The following SMAD6 variants were observed in gnomAD, a reference collection of about 807,000 sequenced individuals.
SMAD6 encodes MAD homolog 6.
A neutral mutation model predicts 39.4 loss-of-function variants in SMAD6; 103 were observed. That is an observed-to-expected ratio of 2.62 (90% CI 2.23 to 3.08). The LOEUF (loss-of-function observed/expected upper bound fraction) is 3.08, where lower values mean the gene tolerates loss of function less well. SMAD6 is among the 30% of genes most tolerant of loss of function. The pLI, the probability that SMAD6 is intolerant of heterozygous loss-of-function variation, is 0.00. For synonymous variants in SMAD6, 445 were observed against 353.3 expected, an observed-to-expected ratio of 1.26 and a Z score of -2.91; for missense variants, 1,104 against 742.9, an observed-to-expected ratio of 1.49 and a Z score of -5.65.
chr15:66,727,279 T>C (rs1893539903), intron 3 of SMAD6, among the ~76,000 whole-genome samples: 1 of 152,002 alleles, frequency 6.6e-6, no homozygotes, highest in Non-Finnish European at 1.5e-5. Flanking sequence ...ACTTTTGTAT[T>C]TTTAGTAGAG....
chr15:66,737,030 C>G (rs1440188739), intron 3 of SMAD6, among the ~76,000 whole-genome samples: 1 of 152,198 alleles, frequency 6.6e-6, no homozygotes, highest in Non-Finnish European at 1.5e-5. Flanking sequence ...CAAGGATCAT[C>G]GGCCTGGGCC....
At chr15:66,716,310 G>C in intron 2 of SMAD6, 111 bp from the exon 3 acceptor site, 1 of 784,762 alleles carries the variant, frequency 1.3e-6, no homozygotes, top group Non-Finnish European at 2.2e-6. Context: ...GCTGCCCTTT[G>C]CAAGCACACA....
At chr15:66,770,914 A>G (rs1894368283) in intron 3 of SMAD6, among the ~76,000 whole-genome samples, 1 of 152,210 alleles carries the variant, frequency 6.6e-6, no homozygotes, top group South Asian at 2.1e-4. Flanking sequence ...ACAGAGTCTG[A>G]TGGATGAGTC....
chr15:66,762,328 G>A (rs1307873996), intron 3 of SMAD6, among the ~76,000 whole-genome samples: 1 of 152,192 alleles, frequency 6.6e-6, no homozygotes, highest in African/African-American at 2.4e-5. Context: ...TAGGCGCTTA[G>A]CAAGCGGGTG....
In SMAD6 at chr15:66,711,722, TG is replaced by T; in HGVS notation, c.874+1del. 1 of 1,612,518 alleles carries T rather than the reference TG, an allele frequency of 6.2e-7. No homozygotes were observed. The highest frequency in any genetic ancestry group is 8.5e-7 in the Non-Finnish European group (1 of 1,179,090). On this transcript the variant is annotated frameshift_variant and splice_region_variant, in exon 2 of 4. Transcript: ENST00000288840. LOFTEE classifies it high-confidence loss of function. ...TCTCCTCGCGACGAGTACAAGCCAC[TG>T]GGTAAGTGTGCCCTCCTTCCTACCC... ...RLSPRDEYKP[L>X]DLSDSTLSYT...
chr15:66,764,792 C>A (rs749190038), intron 3 of SMAD6, among the ~76,000 whole-genome samples: 2 of 152,194 alleles, frequency 1.3e-5, no homozygotes, highest in Non-Finnish European at 2.9e-5. Context: ...TTTGATCTCA[C>A]GGCTTCATTT....
rs896888252 is a variant in SMAD6, at chr15:66,703,525, C to A, written c.267C>A (p.Pro89=). 41 of 1,222,112 alleles carry A rather than the reference C, an allele frequency of 3.4e-5. No homozygotes were observed. Among genetic ancestry groups the A allele is most frequent in the Non-Finnish European group, 4.1e-5 (40 of 979,448 alleles). The allele number at this position is 1,222,112 out of a possible 1,614,324, so 75.7% of individuals were successfully genotyped here. Residue 89 remains proline (P), a synonymous_variant, in exon 1 of 4, where the codon CCC becomes CCA. Coordinates refer to ENST00000288840, the MANE Select transcript of SMAD6 (RefSeq NM_005585.5). ...GAGRRRRAGG[P]PRPMSEPGAG... ...GGAGGCGCCGGCGCGCAGGGGGCCCCCCGAGGCCCATGTCGGAGCCAGGGG... is the reference window on the plus strand; with the variant it reads ...GGAGGCGCCGGCGCGCAGGGGGCCCACCGAGGCCCATGTCGGAGCCAGGGG...
chr15:66,759,070 A>G (rs1484441858), intron 3 of SMAD6, among the ~76,000 whole-genome samples: 2 of 152,242 alleles, frequency 1.3e-5, no homozygotes, highest in Non-Finnish European at 2.9e-5. Flanking sequence ...TAGATAATAC[A>G]TAAAACAATG....
chr15:66,721,797 A>T (rs908319523), intron 3 of SMAD6, among the ~76,000 whole-genome samples: 1 of 152,208 alleles, frequency 6.6e-6, no homozygotes, highest in African/African-American at 2.4e-5. Flanking sequence ...CCCTCAAGGT[A>T]TTCACAGATA....
Position 66,703,749 on chromosome 15 carries a change from G to GGCT in SMAD6, c.502_504dup (p.Leu168dup). ...GGGCGGAGTCGCGAAGCGCGCTCGC[G>GGCT]GCTGCTGCTGCTGGAGCAGGAACTC... On this transcript the variant is annotated inframe_insertion, in exon 1 of 4. Coordinates refer to ENST00000288840, the MANE Select transcript of SMAD6 (RefSeq NM_005585.5). 6 of 1,391,932 alleles carry GGCT rather than the reference G, an allele frequency of 4.3e-6. No homozygotes were observed. The highest frequency in any genetic ancestry group is 3.4e-5 in the East Asian group (1 of 29,636). The allele number at this position is 1,391,932 out of a possible 1,614,324, so 86.2% of individuals were successfully genotyped here. A position where few individuals can be genotyped will look rare whatever the true frequency, so the allele number is the denominator to read the frequency against.
intron 3 of SMAD6, among the ~76,000 whole-genome samples, chr15:66,760,474 C>A (rs1458154566): frequency 1.3e-5 from 2 of 152,234 alleles, no homozygotes; most frequent in African/African-American, 2.4e-5. Context: ...CTAGGTGTGC[C>A]TGGCACATGG....
intron 1 of SMAD6, chr15:66,708,331 C>A (rs1893159940): frequency 6.0e-6 from 1 of 165,792 alleles, no homozygotes; most frequent in Non-Finnish European, 1.3e-5. Context: ...CTCACAGTTT[C>A]TTTTCTGACC....
chr15:66,759,358 G>C (rs1173047980), intron 3 of SMAD6, among the ~76,000 whole-genome samples: 1 of 145,456 alleles, frequency 6.9e-6, no homozygotes, highest in East Asian at 2.1e-4. Flanking sequence ...GAGAGAGAGA[G>C]AAATATTCAT....
At chr15:66,739,520 A>G (rs1327855962) in intron 3 of SMAD6, among the ~76,000 whole-genome samples, 1 of 152,194 alleles carries the variant, frequency 6.6e-6, no homozygotes, top group African/African-American at 2.4e-5. Flanking sequence ...TGAGGGGTGC[A>G]GAAGGTGTTG....
intron 3 of SMAD6, chr15:66,717,215 T>C: frequency 9.9e-7 from 1 of 1,015,060 alleles, no homozygotes; most frequent in Non-Finnish European, 1.4e-6. Flanking sequence ...GCTGGTGGCA[T>C]GGTGGCCTGG....
At position 66,781,797 on chromosome 15, in the gene SMAD6, T is replaced by C. The variant is rs72758534; in HGVS notation, c.*262T>C. 0.017 allele frequency: 6,645 copies of C among 399,330 alleles called. 68 individuals are homozygous for C. The highest frequency in any genetic ancestry group is 0.022 in the Non-Finnish European group (5,048 of 226,350). 24.7% of individuals were successfully genotyped at this position (399,330 alleles called of 1,614,324 possible). ...AACAAGAAAGACGCACTTTGGCTTA[T>C]AATTCTTTCAATACAGATATATTTT... is the stretch of plus-strand genomic sequence containing the variant. On this transcript the variant is annotated 3_prime_UTR_variant, in exon 4 of 4. Transcript: ENST00000288840.
intron 3 of SMAD6, among the ~76,000 whole-genome samples, chr15:66,723,825 C>T (rs1030348624): frequency 2.0e-5 from 3 of 152,188 alleles, no homozygotes; most frequent in African/African-American, 7.2e-5. Context: ...AGAGGAGAGG[C>T]AGACAGCAAA....
chr15:66,719,603 A>AGC (rs1893395427), intron 3 of SMAD6, among the ~76,000 whole-genome samples: 1 of 152,180 alleles, frequency 6.6e-6, no homozygotes, highest in Non-Finnish European at 1.5e-5. Flanking sequence ...TGACAATCCC[A>AGC]GCGCTGGGCC....
At chr15:66,763,054 G>A (rs946657023) in intron 3 of SMAD6, among the ~76,000 whole-genome samples, 1 of 152,228 alleles carries the variant, frequency 6.6e-6, no homozygotes, top group African/African-American at 2.4e-5. Context: ...TCAGGGTCTT[G>A]CTGAACCAGA....
Sources: gnomAD v4.1 joint callset for allele counts (sites outside exome capture counted in the v4.1 genomes callset) on GRCh38, gnomAD v4.1.1 for gene constraint, MANE v1.5 for transcripts, NCBI Gene and HGNC (gene_info 2026-07-23, HGNC 2026-07-21) for gene names.